Variants in CDH20 observed in about 807,000 individuals in gnomAD.
CDH20 encodes the protein cadherin 20, also known as cadherin-20.
In CDH20, 29 loss-of-function variants were observed where a neutral mutation model predicts 74.2. The ratio of observed to expected loss-of-function variants is 0.39; its 90% CI spans 0.29 to 0.53. The LOEUF (loss-of-function observed/expected upper bound fraction) is 0.53, where lower values mean the gene tolerates loss of function less well. CDH20 is among the 20% of genes least tolerant of loss of function. The pLI is 0.69. For synonymous variants in CDH20, 469 were observed against 405.4 expected (o/e 1.16, Z -1.88); for missense variants, 988 against 1,048.3 (o/e 0.94, Z 0.79).
At chr18:61,480,364 A>T (rs576432660) in intron 1 of CDH20, among the ~76,000 whole-genome samples, 2 of 152,346 alleles carry the variant, frequency 1.3e-5, no homozygotes, top group African/African-American at 4.8e-5. Context: ...ACACAGCCTC[A>T]GGAGGTCCTG....
chr18:61,376,854 C>T (rs574098535), intron 1 of CDH20, among the ~76,000 whole-genome samples: 29 of 152,066 alleles, frequency 1.9e-4, no homozygotes, highest in African/African-American at 7.0e-4. Flanking sequence ...GGAATAGGTG[C>T]GTATGCAGGC....
chr18:61,510,559 GA>G (rs937251777), intron 6 of CDH20, among the ~76,000 whole-genome samples: 2 of 152,160 alleles, frequency 1.3e-5, no homozygotes, highest in African/African-American at 4.8e-5. Context: ...CTTCAGAAGG[GA>G]ATAAGGGACC....
intron 7 of CDH20, among the ~76,000 whole-genome samples, chr18:61,534,683 G>GT (rs1187158403): frequency 1.3e-5 from 2 of 152,208 alleles, no homozygotes; most frequent in African/African-American, 4.8e-5. Context: ...TATGTAGAAT[G>GT]TAAGAAAGTC....
intron 1 of CDH20, among the ~76,000 whole-genome samples, chr18:61,362,916 T>C (rs1308437697): frequency 6.6e-6 from 1 of 152,148 alleles, no homozygotes. Context: ...AATGATGAAA[T>C]GCATTAGGAG....
chr18:61,334,540 C>A (rs141579319), intron 1 of CDH20: 1 of 152,472 alleles, frequency 6.6e-6, no homozygotes, highest in East Asian at 1.9e-4. Flanking sequence ...GGGGGAAGAG[C>A]CGGGGGCAAG....
intron 1 of CDH20, among the ~76,000 whole-genome samples, chr18:61,343,571 C>T (rs899494894): frequency 2.0e-5 from 3 of 152,126 alleles, no homozygotes; most frequent in African/African-American, 4.8e-5. Context: ...GGTCAGGGTG[C>T]ACTGTGATGT....
chr18:61,552,203 A>G (rs1599165266), intron 11 of CDH20, among the ~76,000 whole-genome samples: 1 of 151,566 alleles, frequency 6.6e-6, no homozygotes. Context: ...TCATATATGT[A>G]TCTAGTGCCT....
chr18:61,410,898 T>C (rs1912472236), intron 1 of CDH20, among the ~76,000 whole-genome samples: 1 of 152,160 alleles, frequency 6.6e-6, no homozygotes, highest in African/African-American at 2.4e-5. Flanking sequence ...TGTACTGCAA[T>C]TAAAAATATG....
chr18:61,543,935 G>A (rs985551911), intron 9 of CDH20, among the ~76,000 whole-genome samples: 2 of 152,206 alleles, frequency 1.3e-5, no homozygotes, highest in Admixed American at 6.5e-5. Context: ...TGTGGCACCC[G>A]AGCCCTTTAA....
At chr18:61,462,285 A>G (rs527636680) in intron 1 of CDH20, among the ~76,000 whole-genome samples, 1 of 152,134 alleles carries the variant, frequency 6.6e-6, no homozygotes, top group African/African-American at 2.4e-5. Context: ...ATCACCTTGT[A>G]CCCCATAAAT....
intron 7 of CDH20, among the ~76,000 whole-genome samples, chr18:61,528,446 G>GACACACATACACACACACAC (rs370479851): frequency 0.012 from 1,130 of 97,684 alleles, 21 homozygotes; most frequent in African/African-American, 0.029. Context: ...AATTGGTTGA[G>GACACACATACACACACACAC]ACACACACAC....
At position 61,555,093 on chromosome 18, in the gene CDH20, T is replaced by C; in HGVS notation, c.*398T>C. 1 of 1,031,554 alleles carries C rather than the reference T, an allele frequency of 9.7e-7. No individual in the cohort carries two copies. 63.9% of individuals were successfully genotyped at this position (1,031,554 alleles called of 1,614,324 possible). A position where few individuals can be genotyped will look rare whatever the true frequency, so the allele number is the denominator to read the frequency against. ...GAAAGCAGAAAGTTCTACTCTCGTA[T>C]CTGTTTTTTATCTTATCTTATTCTC... is the stretch of plus-strand genomic sequence containing the variant. On this transcript the variant is annotated 3_prime_UTR_variant, in exon 12 of 12. Coordinates refer to ENST00000262717, the MANE Select transcript of CDH20 (RefSeq NM_031891.4).
chr18:61,456,431 A>C (rs1640954410), intron 1 of CDH20, among the ~76,000 whole-genome samples: 1 of 151,966 alleles, frequency 6.6e-6, no homozygotes, highest in South Asian at 2.1e-4. Context: ...AAACCTACAA[A>C]CCAAATCTCC....
intron 1 of CDH20, among the ~76,000 whole-genome samples, chr18:61,406,560 A>G (rs1428235566): frequency 6.6e-6 from 1 of 152,220 alleles, no homozygotes; most frequent in Non-Finnish European, 1.5e-5. Context: ...AATAAGTACA[A>G]TAATTACAGG....
intron 1 of CDH20, among the ~76,000 whole-genome samples, chr18:61,462,729 G>T (rs1219390978): frequency 2.1e-5 from 3 of 145,402 alleles, no homozygotes; most frequent in African/African-American, 7.6e-5. Flanking sequence ...AAAAAAGGGG[G>T]GGGGGGCATC....
At chr18:61,443,655 CCT>C (rs1568141582) in intron 1 of CDH20, among the ~76,000 whole-genome samples, 1 of 152,100 alleles carries the variant, frequency 6.6e-6, no homozygotes, top group African/African-American at 2.4e-5. Flanking sequence ...CTAAGCACAC[CCT>C]GTCGTTCAGA....
intron 1 of CDH20, among the ~76,000 whole-genome samples, chr18:61,488,611 T>C (rs1190981719): frequency 6.6e-6 from 1 of 152,238 alleles, no homozygotes; most frequent in Non-Finnish European, 1.5e-5. Flanking sequence ...AAACTGTCTC[T>C]TAGTCTAATG....
At chr18:61,333,920 G>C (rs1457328809) in intron 1 of CDH20, 93 bp downstream of exon 1, 1 of 152,264 alleles carries the variant, frequency 6.6e-6, no homozygotes, top group African/African-American at 2.4e-5. Context: ...CCCGGGCGGC[G>C]TGCGCGGTCC....
At chr18:61,373,352 C>T (rs990127346) in intron 1 of CDH20, among the ~76,000 whole-genome samples, 11 of 151,960 alleles carry the variant, frequency 7.2e-5, no homozygotes, top group African/African-American at 2.7e-4. Context: ...CCACAGATTG[C>T]TGACCCTATT....
Sources: allele counts gnomAD v4.1 joint callset (sites outside exome capture counted in the v4.1 genomes callset), GRCh38; gene constraint gnomAD v4.1.1; transcripts MANE v1.5; gene names NCBI Gene and HGNC (gene_info 2026-07-23, HGNC 2026-07-21).